Variants in ANKS1B observed in about 807,000 individuals in gnomAD.
ANKS1B encodes the protein ankyrin repeat and sterile alpha motif domain containing 1B, also known as ankyrin repeat and sterile alpha motif domain-containing protein 1B.
Under a neutral mutation model 148.3 loss-of-function variants are expected in ANKS1B, and 36 were observed. The observed-to-expected ratio is 0.24, with a 90% confidence interval of 0.19 to 0.32. ANKS1B has a LOEUF of 0.32. Ranked by LOEUF, ANKS1B falls within the 10% of genes least tolerant of loss-of-function variation. The probability of loss-of-function intolerance (pLI) is 1.00; values close to 1 mark genes in which losing one functional copy is unlikely to be tolerated. For synonymous variants in ANKS1B, 542 were observed against 560.8 expected (o/e 0.97, Z 0.47); for missense variants, 1,157 against 1,542.6 (o/e 0.75, Z 4.19).
intron 17 of ANKS1B, among the ~76,000 whole-genome samples, chr12:99,030,391 C>T (rs995294770): frequency 2.1e-4 from 32 of 152,094 alleles, no homozygotes; most frequent in African/African-American, 7.7e-4. Flanking sequence ...AGTCAACAGC[C>T]CACTGCCTTC....
At chr12:99,835,323 C>T (rs536558599) in intron 1 of ANKS1B, among the ~76,000 whole-genome samples, 19 of 150,950 alleles carry the variant, frequency 1.3e-4, no homozygotes, top group African/African-American at 4.4e-4. Context: ...CCCAGCTATT[C>T]GGGAAGCTGA....
At chr12:98,929,404 A>T (rs2099811809) in intron 17 of ANKS1B, among the ~76,000 whole-genome samples, 1 of 152,034 alleles carries the variant, frequency 6.6e-6, no homozygotes, top group African/African-American at 2.4e-5. Context: ...CAGCTGCCTT[A>T]TTTGTAGAAA....
At chr12:99,794,295 A>G (rs2065981919) in intron 4 of ANKS1B, among the ~76,000 whole-genome samples, 1 of 151,982 alleles carries the variant, frequency 6.6e-6, no homozygotes, top group African/African-American at 2.4e-5. Flanking sequence ...AGAGCTACCA[A>G]ATGATCCAGC....
At chr12:99,155,486 A>T (rs1601209945) in intron 14 of ANKS1B, among the ~76,000 whole-genome samples, 1 of 152,122 alleles carries the variant, frequency 6.6e-6, no homozygotes, top group African/African-American at 2.4e-5. Context: ...TTATAACCCA[A>T]TCTACCAGGG....
intron 4 of ANKS1B, among the ~76,000 whole-genome samples, chr12:99,791,610 G>A (rs775654575): frequency 1.6e-4 from 25 of 151,696 alleles, no homozygotes; most frequent in Non-Finnish European, 2.5e-4. Flanking sequence ...GAGAAATTTT[G>A]GAAACTATGC....
chr12:99,240,638 T>C (rs984066754), intron 14 of ANKS1B, among the ~76,000 whole-genome samples: 2 of 152,130 alleles, frequency 1.3e-5, no homozygotes, highest in Non-Finnish European at 2.9e-5. Flanking sequence ...ATTGACCACA[T>C]AGTTAGAAGT....
At chr12:99,366,657 T>TA (rs1040226583) in intron 12 of ANKS1B, among the ~76,000 whole-genome samples, 8 of 151,856 alleles carry the variant, frequency 5.3e-5, no homozygotes, top group Non-Finnish European at 8.8e-5. Flanking sequence ...TTGGAAAAAG[T>TA]AAAAAAAATT....
intron 9 of ANKS1B, among the ~76,000 whole-genome samples, chr12:99,605,303 C>G (rs2097843897): frequency 2.0e-5 from 3 of 151,908 alleles, no homozygotes. Context: ...ATACATTATC[C>G]TCAGATACTT....
intron 1 of ANKS1B, among the ~76,000 whole-genome samples, chr12:99,972,312 T>TA (rs1287471500): frequency 5.3e-5 from 8 of 152,234 alleles, no homozygotes; most frequent in Non-Finnish European, 1.2e-4. Flanking sequence ...GACTGAAAGC[T>TA]AGGCCTCTTA....
intron 8 of ANKS1B, among the ~76,000 whole-genome samples, chr12:99,661,980 C>G (rs983968950): frequency 1.3e-5 from 2 of 152,136 alleles, no homozygotes; most frequent in African/African-American, 4.8e-5. Flanking sequence ...ATCCTTGGAA[C>G]TAGAGGACCT....
At chr12:99,223,607 C>T (rs964494723) in intron 14 of ANKS1B, among the ~76,000 whole-genome samples, 8 of 152,064 alleles carry the variant, frequency 5.3e-5, no homozygotes, top group South Asian at 4.2e-4. Context: ...TGCAGATCTC[C>T]GGTGGTAATG....
intron 10 of ANKS1B, among the ~76,000 whole-genome samples, chr12:99,447,106 G>A (rs912748399): frequency 2.6e-5 from 4 of 152,086 alleles, no homozygotes; most frequent in East Asian, 1.9e-4. Context: ...ACAACTTGAT[G>A]CTGGCATAGA....
chr12:99,528,444 C>CA lies in ANKS1B; in HGVS notation c.1273-23804dup, dbSNP rs1276451213. ...ACAAAAACAAAAACAAAAAAAAAAA[C>CA]AAAAAAAAAACCATCAACAGAGTAA... On this transcript the variant is annotated intron_variant, in intron 9 of 26. Coordinates refer to ENST00000683438, the MANE Select transcript of ANKS1B (RefSeq NM_001352186.2). 2.7e-3 allele frequency among the ~76,000 whole-genome samples: 334 copies of CA among 123,564 alleles called. 1 individual carries two copies. The highest frequency in any genetic ancestry group is 6.9e-3 in the African/African-American group (222 of 32,168). The allele number at this position is 123,564 out of a possible 152,430, so 81.1% of individuals were successfully genotyped here.
intron 1 of ANKS1B, among the ~76,000 whole-genome samples, chr12:99,929,737 C>A (rs1309817851): frequency 6.6e-6 from 1 of 152,122 alleles, no homozygotes; most frequent in Non-Finnish European, 1.5e-5. Flanking sequence ...TTTCCCAACA[C>A]CATTTATTAA....
chr12:99,674,448 A>G (rs916859274), intron 8 of ANKS1B, among the ~76,000 whole-genome samples: 1 of 151,846 alleles, frequency 6.6e-6, no homozygotes, highest in Non-Finnish European at 1.5e-5. Flanking sequence ...AAAAGAAAGA[A>G]GAGAAGAGCT....
At chr12:99,879,980 G>A (rs1180956614) in intron 1 of ANKS1B, among the ~76,000 whole-genome samples, 1 of 152,144 alleles carries the variant, frequency 6.6e-6, no homozygotes, top group Non-Finnish European at 1.5e-5. Flanking sequence ...GCAGCTAAGA[G>A]CATGAGCTCT....
intron 11 of ANKS1B, among the ~76,000 whole-genome samples, chr12:99,426,060 T>C (rs1384606298): frequency 6.6e-6 from 1 of 152,172 alleles, no homozygotes; most frequent in Admixed American, 6.5e-5. Context: ...GAGAAATGAC[T>C]GCTGAGCTAA....
At chr12:99,650,422 A>AGTAGGCACTGTGTAAATG (rs1202552203) in intron 9 of ANKS1B, among the ~76,000 whole-genome samples, 1 of 103,002 alleles carries the variant, frequency 9.7e-6, no homozygotes, top group Admixed American at 1.0e-4. Context: ...TCTGGAACAT[A>AGTAGGCACTGTGTAAATG]GTAGGCACTG....
intron 9 of ANKS1B, among the ~76,000 whole-genome samples, chr12:99,619,595 G>T (rs1375278066): frequency 1.3e-5 from 2 of 151,466 alleles, no homozygotes; most frequent in African/African-American, 4.9e-5. Flanking sequence ...AGACATAAAG[G>T]ATACCTGCTC....
Sources: gnomAD v4.1 joint callset for allele counts (sites outside exome capture counted in the v4.1 genomes callset) on GRCh38, gnomAD v4.1.1 for gene constraint, MANE v1.5 for transcripts, NCBI Gene and HGNC (gene_info 2026-07-23, HGNC 2026-07-21) for gene names.